The following CHRNA5 variants were observed in gnomAD, a reference collection of about 807,000 sequenced individuals.
CHRNA5 encodes cholinergic receptor nicotinic alpha 5 subunit.
CHRNA5 carries 28 observed loss-of-function variants against 41.2 expected under a neutral mutation model. That is an observed-to-expected ratio of 0.68 (90% confidence interval 0.50 to 0.93). The LOEUF (loss-of-function observed/expected upper bound fraction) is 0.93. CHRNA5 is among the 40% of genes least tolerant of loss of function. The pLI is 0.00. For synonymous variants in CHRNA5, 188 were observed against 205.8 expected (o/e 0.91, Z 0.74); for missense variants, 481 against 581.9 (o/e 0.83, Z 1.78).
chr15:78,570,853 G>A (rs193089226), intron 1 of CHRNA5, among the ~76,000 whole-genome samples: 30 of 152,246 alleles, frequency 2.0e-4, no homozygotes, highest in South Asian at 2.1e-4. Context: ...AGAGGGGGGC[G>A]TCCTGTGCCT....
exon 6 of CHRNA5, chr15:78,593,483 G>A: frequency 3.1e-6 from 1 of 324,266 alleles, no homozygotes; most frequent in Non-Finnish European, 5.5e-6. Flanking sequence ...AATATTATCT[G>A]AACTGGACTA....
At chr15:78,591,881 A>T (rs936444518) in intron 5 of CHRNA5, among the ~76,000 whole-genome samples, 2 of 152,234 alleles carry the variant, frequency 1.3e-5, no homozygotes. Flanking sequence ...GTTTGGAGCT[A>T]TCATTGGAGT....
chr15:78,590,952 T>C (rs1363587951), intron 5 of CHRNA5: 3 of 258,226 alleles, frequency 1.2e-5, no homozygotes, highest in Non-Finnish European at 2.2e-5. Context: ...ACCTGATGAA[T>C]TGTTTTAATT....
rs1053047799 is a variant in CHRNA5, at chr15:78,565,933, A to G, written c.106+108A>G. On this transcript the variant is annotated intron_variant, in intron 1 of 5. Coordinates refer to ENST00000299565, the Ensembl canonical transcript of CHRNA5. ...CGCCGGAAAACCTGGTTGCGAGGGG[A>G]GGTGGGTTTTTTTCTCCTGGGGGCT... The G allele has an allele frequency of 9.2e-5, 49 of 530,218 alleles. No homozygotes were observed. The South Asian group carries it at 4.1e-3, about 44-fold the overall frequency. The allele number at this position is 530,218 out of a possible 1,614,324, so 32.8% of individuals were successfully genotyped here. A position where few individuals can be genotyped will look rare whatever the true frequency, so the allele number is the denominator to read the frequency against.
rs147430557 is a variant in CHRNA5, at chr15:78,587,323, C to T, written c.303+634C>T. 3.6e-3 allele frequency among the ~76,000 whole-genome samples: 542 copies of T among 151,886 alleles called. 3 individuals carry two copies. Among genetic ancestry groups the T allele is most frequent in the South Asian group, 5.2e-3 (25 of 4,804 alleles). On this transcript the variant is annotated intron_variant, in intron 3 of 5. Transcript: ENST00000299565. Reference sequence around the variant, plus strand: ...AAAAGAAGATAGGGAGTATTGGGGTCGGGGGTGTACTTATAAAAATGGTGG... The same window carrying T: ...AAAAGAAGATAGGGAGTATTGGGGTTGGGGGTGTACTTATAAAAATGGTGG...
At chr15:78,575,203 A>G (rs2052846501) in intron 1 of CHRNA5, among the ~76,000 whole-genome samples, 1 of 152,086 alleles carries the variant, frequency 6.6e-6, no homozygotes, top group Non-Finnish European at 1.5e-5. Context: ...CAGTTCCTCA[A>G]ACTTTAGGCA....
At chr15:78,567,352 A>C (rs1294088535) in intron 1 of CHRNA5, among the ~76,000 whole-genome samples, 3 of 152,158 alleles carry the variant, frequency 2.0e-5, no homozygotes, top group Non-Finnish European at 4.4e-5. Context: ...AATGCCAGGC[A>C]CAGTGCCTGA....
intron 2 of CHRNA5, among the ~76,000 whole-genome samples, chr15:78,583,634 G>A (rs1227294246): frequency 6.6e-6 from 1 of 151,866 alleles, no homozygotes; most frequent in African/African-American, 2.4e-5. Context: ...GGCGGAGCTT[G>A]CAGTGAGCCG....
chr15:78,568,665 G>C (rs1288125194), intron 1 of CHRNA5, among the ~76,000 whole-genome samples: 2 of 151,998 alleles, frequency 1.3e-5, no homozygotes, highest in Non-Finnish European at 2.9e-5. Context: ...CCTGATGTGT[G>C]ATGTTCCCCT....
chr15:78,565,526 G>T (rs992887197), exon 1 of CHRNA5: 8 of 205,932 alleles, frequency 3.9e-5, no homozygotes, highest in African/African-American at 1.4e-4. Flanking sequence ...TTCCACATGC[G>T]TCCCGAGCCC....
intron 1 of CHRNA5, among the ~76,000 whole-genome samples, chr15:78,578,034 A>G (rs973324030): frequency 1.3e-5 from 2 of 152,176 alleles, no homozygotes. Flanking sequence ...AAATGGTTCA[A>G]TAATGCTATT....
intron 1 of CHRNA5, 124 bp downstream of exon 1, chr15:78,565,949 C>G (rs1415065234): frequency 2.5e-6 from 1 of 401,252 alleles, no homozygotes; most frequent in Non-Finnish European, 4.0e-6. Context: ...GTTTTTTTCT[C>G]CTGGGGGCTT....
At chr15:78,593,220 A>C in exon 6 of CHRNA5, 1 of 1,612,858 alleles carries the variant, frequency 6.2e-7, no homozygotes, top group Admixed American at 1.7e-5. Context: ...CAAATATATT[A>C]ATACCAGTTC....
At position 78,565,689 on chromosome 15, in the gene CHRNA5, G is replaced by A. The variant is rs1018715411; in HGVS notation, c.-31G>A. 4.2e-6 allele frequency: 4 copies of A among 962,038 alleles called. No homozygotes were observed. The African/African-American group carries it at 5.2e-5, about 13-fold the overall frequency. 59.6% of individuals were successfully genotyped at this position (962,038 alleles called of 1,614,324 possible). A position where few individuals can be genotyped will look rare whatever the true frequency, so the allele number is the denominator to read the frequency against. On this transcript the variant is annotated 5_prime_UTR_variant, in exon 1 of 6. Transcript: ENST00000299565. Reference sequence around the variant, plus strand: ...TTCCCCGCGCGGCGGTCGAGAGGCGGCTGCCCGCGGTCCCGCGCGGGCGCG... The same window carrying A: ...TTCCCCGCGCGGCGGTCGAGAGGCGACTGCCCGCGGTCCCGCGCGGGCGCG...
At position 78,565,680 on chromosome 15, in the gene CHRNA5, C is replaced by A; in HGVS notation, c.-40C>A. ...GAGTTCGCGTTCCCCGCGCGGCGGT[C>A]GAGAGGCGGCTGCCCGCGGTCCCGC... On this transcript the variant is annotated 5_prime_UTR_variant, in exon 1 of 6. Coordinates refer to ENST00000299565, the Ensembl canonical transcript of CHRNA5. 4 of 843,218 alleles carry A rather than the reference C, an allele frequency of 4.7e-6. No homozygotes were observed. The South Asian group carries it at 1.7e-4, about 36-fold the overall frequency. 52.2% of individuals were successfully genotyped at this position (843,218 alleles called of 1,614,324 possible).
exon 5 of CHRNA5, chr15:78,590,518 A>G (rs769498175): frequency 6.2e-7 from 1 of 1,614,222 alleles, no homozygotes; most frequent in Non-Finnish European, 8.5e-7. Context: ...TACTTCACTC[A>G]GAAAGAGGAA....
At chr15:78,581,366 A>G (rs1385186037) in intron 2 of CHRNA5, among the ~76,000 whole-genome samples, 1 of 152,218 alleles carries the variant, frequency 6.6e-6, no homozygotes, top group East Asian at 1.9e-4. Context: ...ACAAGAGATC[A>G]TTATCTTGGG....
chr15:78,589,978 C>T lies in CHRNA5; in HGVS notation c.587C>T (p.Ser196Leu), dbSNP rs779298057. The change falls in exon 5 of 6, where the codon TCA (serine) becomes TTA (leucine). Residue 196 changes from serine (S) to leucine (L), a missense_variant. Physicochemically the swap from Ser to Leu is moderately radical, Grantham distance 145 (BLOSUM62 -2). Coordinates refer to ENST00000299565, the Ensembl canonical transcript of CHRNA5. ...TTTGGTTCTTGGACTTATGATGGAT[C>T]ACAGGTTGATATAATTCTAGAGGAC... 8.7e-6 allele frequency: 14 copies of T among 1,614,058 alleles called. No individual in the cohort carries two copies. The highest frequency in any genetic ancestry group is 1.1e-5 in the South Asian group (1 of 91,062).
At chr15:78,585,235 G>C (rs2052948221) in intron 2 of CHRNA5, among the ~76,000 whole-genome samples, 1 of 152,002 alleles carries the variant, frequency 6.6e-6, no homozygotes, top group Non-Finnish European at 1.5e-5. Flanking sequence ...TTTTAATCAA[G>C]GAAAATTGCT....
Sources: allele counts gnomAD v4.1 joint callset (sites outside exome capture counted in the v4.1 genomes callset), GRCh38; gene constraint gnomAD v4.1.1; transcripts MANE v1.5; gene names NCBI Gene and HGNC (gene_info 2026-07-23, HGNC 2026-07-21).